WWP1: variants seen among roughly 807,000 people sequenced by gnomAD.
WWP1 encodes WW domain containing E3 ubiquitin protein ligase 1, also known as NEDD4-like E3 ubiquitin-protein ligase WWP1.
WWP1 carries 49 observed loss-of-function variants against 130.6 expected under a neutral mutation model. The ratio of observed to expected loss-of-function variants is 0.38; its 90% confidence interval spans 0.30 to 0.48. The LOEUF is 0.48. Ranked by LOEUF, WWP1 falls within the 20% of genes least tolerant of loss-of-function variation. The pLI is 0.99. For missense variants in WWP1, 809 were observed against 1,100.6 expected (o/e 0.74, Z 3.75); for synonymous variants, 332 against 367.8 (o/e 0.90, Z 1.11).
At chr8:86,441,410 T>A (rs1376846756) in intron 17 of WWP1, among the ~76,000 whole-genome samples, 1 of 152,232 alleles carries the variant, frequency 6.6e-6, no homozygotes, top group Non-Finnish European at 1.5e-5. Flanking sequence ...AGTGATTGTG[T>A]TTTATAACCT....
At chr8:86,438,749 A>G (rs1232827159) in intron 17 of WWP1, 76 bp downstream of exon 17, 2 of 1,193,970 alleles carry the variant, frequency 1.7e-6, no homozygotes, top group East Asian at 2.5e-5. Flanking sequence ...TTCAAAACAT[A>G]TGTGAATATA....
chr8:86,424,677 C>T (rs76221348), intron 9 of WWP1, among the ~76,000 whole-genome samples: 29,839 of 148,110 alleles, frequency 0.2, 5,025 homozygotes, highest in African/African-American at 0.47. Context: ...TGGCGGCGCA[C>T]GACTGCAATC....
At chr8:86,352,079 A>C in intron 1 of WWP1, among the ~76,000 whole-genome samples, 1 of 130,692 alleles carries the variant, frequency 7.7e-6, no homozygotes, top group African/African-American at 2.8e-5. Context: ...TTGTTCTGTC[A>C]CCCAAGGCTA....
rs766706200 is a variant in WWP1 at position 86,468,391 on chromosome 8, T to C, written c.*1498T>C. ...TGGTTGAATAGACTCCTTTTCCAAA[T>C]CCTTATTATGAACACTCTGGTAATT... On this transcript the variant is annotated 3_prime_UTR_variant, in exon 25 of 25. Coordinates refer to ENST00000517970, the MANE Select transcript of WWP1 (RefSeq NM_007013.4). The C allele has an allele frequency of 1.3e-5, 6 of 452,618 alleles. No homozygotes were observed. The highest frequency in any genetic ancestry group is 9.5e-5 in the South Asian group (6 of 63,196). The allele number at this position is 452,618 out of a possible 1,614,324, so 28.0% of individuals were successfully genotyped here. A position where few individuals can be genotyped will look rare whatever the true frequency, so the allele number is the denominator to read the frequency against.
At chr8:86,403,719 A>C (rs1808125570) in intron 8 of WWP1, among the ~76,000 whole-genome samples, 1 of 151,996 alleles carries the variant, frequency 6.6e-6, no homozygotes, top group African/African-American at 2.4e-5. Context: ...TCAAAATTTA[A>C]TTTCTTTAAT....
At chr8:86,381,657 C>T in intron 5 of WWP1, 28 bp downstream of exon 5, 1 of 1,548,836 alleles carries the variant, frequency 6.5e-7, no homozygotes, top group South Asian at 1.2e-5. Flanking sequence ...ACCTTTATTT[C>T]CTTATAAGTT....
chr8:86,441,294 G>A (rs1810579459), intron 17 of WWP1, among the ~76,000 whole-genome samples: 1 of 152,158 alleles, frequency 6.6e-6, no homozygotes, highest in Non-Finnish European at 1.5e-5. Flanking sequence ...AAGTCACTTG[G>A]TTCAACTACT....
chr8:86,366,404 C>T (rs920241120), intron 1 of WWP1, among the ~76,000 whole-genome samples: 1 of 152,090 alleles, frequency 6.6e-6, no homozygotes, highest in African/African-American at 2.4e-5. Context: ...TTAGGGAGAT[C>T]AGTGGTGATG....
At chr8:86,423,533 G>T (rs1283111451) in intron 9 of WWP1, among the ~76,000 whole-genome samples, 2 of 152,150 alleles carry the variant, frequency 1.3e-5, no homozygotes, top group Admixed American at 6.5e-5. Context: ...GAGAGCACAG[G>T]GTTGGGGGCA....
At chr8:86,449,477 T>C (rs1429231395) in intron 20 of WWP1, among the ~76,000 whole-genome samples, 1 of 152,246 alleles carries the variant, frequency 6.6e-6, no homozygotes, top group Non-Finnish European at 1.5e-5. Context: ...TGAAATTTGA[T>C]TTTGTATAAT....
At chr8:86,382,597 G>T (rs148556107) in intron 5 of WWP1, among the ~76,000 whole-genome samples, 82 of 152,308 alleles carry the variant, frequency 5.4e-4, no homozygotes, top group African/African-American at 1.8e-3. Context: ...TACTTGGGAG[G>T]CTGAGGCAGG....
Position 86,435,705 on chromosome 8 carries a change from G to A in WWP1, c.1749+1G>A. On this transcript the variant is annotated splice_donor_variant, in intron 16 of 24. Transcript: ENST00000517970. LOFTEE classifies it high-confidence loss of function. ...ATTGTTTGAAGATTCCTTCCAACAG[G>A]TAAGGAGGATTTTAGCAGAATAAAA... 6 of 1,611,586 alleles carry A rather than the reference G, an allele frequency of 3.7e-6. No individual in the cohort carries two copies. Among genetic ancestry groups the A allele is most frequent in the Non-Finnish European group, 5.1e-6 (6 of 1,179,458 alleles).
intron 1 of WWP1, among the ~76,000 whole-genome samples, chr8:86,344,927 G>A (rs947323715): frequency 2.6e-5 from 4 of 152,172 alleles, no homozygotes; most frequent in African/African-American, 4.8e-5. Flanking sequence ...GGATTTACCC[G>A]GTGGTGGGGC....
intron 16 of WWP1, among the ~76,000 whole-genome samples, chr8:86,436,038 A>G (rs1216657079): frequency 1.3e-5 from 2 of 152,110 alleles, no homozygotes; most frequent in East Asian, 3.9e-4. Flanking sequence ...AAACCTTCCC[A>G]TATACTGAGT....
At chr8:86,389,590 T>C (rs1005394989) in intron 5 of WWP1, among the ~76,000 whole-genome samples, 2 of 152,246 alleles carry the variant, frequency 1.3e-5, no homozygotes, top group Non-Finnish European at 2.9e-5. Context: ...TGATCTCTCT[T>C]TCTTTTCCCC....
At chr8:86,357,884 T>A (rs962547921) in intron 1 of WWP1, among the ~76,000 whole-genome samples, 3 of 152,218 alleles carry the variant, frequency 2.0e-5, no homozygotes, top group Non-Finnish European at 4.4e-5. Flanking sequence ...ATTAACAATT[T>A]GGCTGTTACA....
chr8:86,465,421 A>AGGAG (rs572834647), intron 24 of WWP1, among the ~76,000 whole-genome samples: 3 of 152,156 alleles, frequency 2.0e-5, no homozygotes, highest in Non-Finnish European at 4.4e-5. Flanking sequence ...AGAAATGATG[A>AGGAG]GGAGGAGCCT....
At chr8:86,353,474 C>A (rs1056557891) in intron 1 of WWP1, among the ~76,000 whole-genome samples, 1 of 151,816 alleles carries the variant, frequency 6.6e-6, no homozygotes. Context: ...GTTTGCATTT[C>A]TTTTTGAGGA....
intron 1 of WWP1, among the ~76,000 whole-genome samples, chr8:86,344,849 G>C (rs1822476495): frequency 6.6e-6 from 1 of 152,218 alleles, no homozygotes; most frequent in African/African-American, 2.4e-5. Context: ...AGGATAAAGG[G>C]TGATAAAACT....
Sources: gnomAD v4.1 joint callset for allele counts (sites outside exome capture counted in the v4.1 genomes callset) on GRCh38, gnomAD v4.1.1 for gene constraint, MANE v1.5 for transcripts, NCBI Gene and HGNC (gene_info 2026-07-23, HGNC 2026-07-21) for gene names.